The following KRIT1 variants were observed in gnomAD, a reference collection of about 807,000 sequenced individuals.
The protein encoded by KRIT1 is KRIT1 ankyrin repeat containing.
KRIT1 carries 45 observed loss-of-function variants against 95.8 expected under a neutral mutation model. That is an observed-to-expected ratio of 0.47 (90% confidence interval 0.37 to 0.60). The LOEUF is 0.60. Among genes scored for constraint, KRIT1 ranks in the 20% least tolerant of loss-of-function variants. KRIT1 has a pLI of 0.00. For missense variants in KRIT1, 788 were observed against 877.5 expected, an observed-to-expected ratio of 0.90 and a Z score of 1.29; for synonymous variants, 282 against 278.8, an observed-to-expected ratio of 1.01 and a Z score of -0.11.
At chr7:92,244,697 A>G (rs1800478427) in intron 2 of KRIT1, among the ~76,000 whole-genome samples, 1 of 152,230 alleles carries the variant, frequency 6.6e-6, no homozygotes, top group South Asian at 2.1e-4. Context: ...AAAATACAAG[A>G]AAGGTATAAC....
At chr7:92,225,394 A>G (rs1344058663) in intron 12 of KRIT1, among the ~76,000 whole-genome samples, 1 of 151,818 alleles carries the variant, frequency 6.6e-6, no homozygotes, top group African/African-American at 2.4e-5. Flanking sequence ...TGCAACCTCC[A>G]CCTCCTGGGT....
intron 3 of KRIT1, 155 bp from the exon 4 acceptor site, chr7:92,242,292 T>C (rs2131778575): frequency 1.6e-6 from 1 of 611,370 alleles, no homozygotes; most frequent in South Asian, 2.0e-5. Flanking sequence ...TATCCTAGAA[T>C]ATACAGTGCC....
upstream of KRIT1, chr7:92,246,035 G>A (rs545000595): frequency 3.5e-4 from 93 of 266,756 alleles, no homozygotes; most frequent in Non-Finnish European, 6.3e-4. Context: ...GTCTCTCAGG[G>A]GCTGGTGGCA....
chr7:92,202,931 T>C (rs562702302), intron 17 of KRIT1, among the ~76,000 whole-genome samples: 47 of 152,338 alleles, frequency 3.1e-4, no homozygotes, highest in African/African-American at 1.1e-3. Flanking sequence ...CAAGATATCA[T>C]ACTACCTTAA....
intron 6 of KRIT1, among the ~76,000 whole-genome samples, chr7:92,236,960 T>C (rs1230105342): frequency 6.6e-6 from 1 of 152,156 alleles, no homozygotes. Flanking sequence ...ATATAGTATA[T>C]CATCAGTGTT....
Position 92,233,622 on chromosome 7 carries a change from G to GAC in KRIT1, c.989+826_989+827insGT, listed in dbSNP as rs563772873. Among the ~76,000 whole-genome samples, 531 of 152,008 alleles carry GAC rather than the reference G, an allele frequency of 3.5e-3. 4 individuals carry two copies. The highest frequency in any genetic ancestry group is 0.012 in the African/African-American group (502 of 41,448). The stretch of plus-strand genomic sequence containing the variant: ...GGGTTTCACCATGTTAGCCAGGATG[G>GAC]TCTTGATCTCCTGACCTCGTGATCC... On this transcript the variant is annotated intron_variant, in intron 10 of 18. Transcript: ENST00000394505.
At chr7:92,208,211 G>A (rs987415136) in intron 17 of KRIT1, among the ~76,000 whole-genome samples, 1 of 152,062 alleles carries the variant, frequency 6.6e-6, no homozygotes, top group African/African-American at 2.4e-5. Context: ...CAAAAGCAGT[G>A]TAAGAGGAAA....
rs781721827 is a variant in KRIT1 at position 92,235,423 on chromosome 7, C to G, written c.709G>C (p.Asp237His). ...CTTACCCGATTTGTATACTGAAGAT[C>G]TGATCCAAACAAAGGGTTGTAAATA... Reference protein sequence around the residue: ...TCIYNPLFGSDLQYTNRVDKV... With the variant: ...TCIYNPLFGSHLQYTNRVDKV... The change falls in exon 8 of 19, where the codon GAT becomes CAT. Residue 237 changes from aspartate (D) to histidine (H), a missense_variant. Coordinates refer to ENST00000394505, the MANE Select transcript of KRIT1 (RefSeq NM_194454.3). The G allele has an allele frequency of 3.7e-6, 6 of 1,613,702 alleles. No individual in the cohort carries two copies. Among genetic ancestry groups the G allele is most frequent in the Admixed American group, 1.7e-5 (1 of 60,004 alleles).
At position 92,220,277 on chromosome 7, in the gene KRIT1, A is replaced by G. The variant is rs954981883; in HGVS notation, c.1563+1625T>C. On this transcript the variant is annotated intron_variant, in intron 14 of 18. Transcript: ENST00000394505. ...GTCAAATGCCTTTCTGCATCAATTA[A>G]GATGATCATGTGTTTTCTTCCCTCC... is the stretch of plus-strand genomic sequence containing the variant. Among the ~76,000 whole-genome samples the G allele has an allele frequency of 2.0e-5, 3 of 152,202 alleles. No individual in the cohort carries two copies. The East Asian group carries it at 5.8e-4, about 29-fold the overall frequency.
At chr7:92,201,163 T>A in intron 18 of KRIT1, 144 bp downstream of exon 18, 1 of 640,024 alleles carries the variant, frequency 1.6e-6, no homozygotes. Context: ...TTAGAAGGCC[T>A]GGCTTTATTC....
At chr7:92,232,897 G>A (rs937790598) in intron 10 of KRIT1, among the ~76,000 whole-genome samples, 1 of 152,092 alleles carries the variant, frequency 6.6e-6, no homozygotes, top group Non-Finnish European at 1.5e-5. Flanking sequence ...ATTTCATGGT[G>A]TTAGCCAGGA....
chr7:92,238,387 C>T (rs1035503336), intron 5 of KRIT1, among the ~76,000 whole-genome samples: 2 of 152,200 alleles, frequency 1.3e-5, no homozygotes, highest in African/African-American at 2.4e-5. Flanking sequence ...AACAGAACCT[C>T]GTTCCTGCCC....
intron 13 of KRIT1, among the ~76,000 whole-genome samples, chr7:92,222,537 T>C (rs1795345861): frequency 1.3e-5 from 2 of 152,218 alleles, no homozygotes; most frequent in African/African-American, 4.8e-5. Flanking sequence ...TAAAGGCAAG[T>C]TGCATTAGCA....
chr7:92,221,869 T>C, intron 14 of KRIT1, 33 bp downstream of exon 14: 1 of 1,595,206 alleles, frequency 6.3e-7, no homozygotes, highest in South Asian at 1.1e-5. Flanking sequence ...TTTTGTGCAT[T>C]TAAATAACTG....
At chr7:92,216,205 G>A (rs1454804386) in intron 14 of KRIT1, among the ~76,000 whole-genome samples, 3 of 149,354 alleles carry the variant, frequency 2.0e-5, no homozygotes, top group Non-Finnish European at 4.4e-5. Context: ...CTCCAGCCTG[G>A]GTGACAGAAA....
chr7:92,204,508 A>G (rs1207492411), intron 17 of KRIT1, among the ~76,000 whole-genome samples: 3 of 151,892 alleles, frequency 2.0e-5, no homozygotes, highest in Admixed American at 6.6e-5. Flanking sequence ...ACTCACCACA[A>G]TGTAAAATCA....
At chr7:92,201,533 G>A (rs1563212616) in intron 17 of KRIT1, 110 bp from the exon 18 acceptor site, 1 of 726,366 alleles carries the variant, frequency 1.4e-6, no homozygotes, top group Non-Finnish European at 2.5e-6. Flanking sequence ...AGTTCAGAAT[G>A]CTTTTTCTAA....
rs547568067 is a variant in KRIT1, at chr7:92,235,251, T to G, written c.729+152A>C. On this transcript the variant is annotated intron_variant, in intron 8 of 18. Coordinates refer to ENST00000394505, the MANE Select transcript of KRIT1 (RefSeq NM_194454.3). ...CTGACCTCAGGCAATCTGCCCTCCT[T>G]GGCCTCCCAAAGTGCTGGGATTACA... is the stretch of plus-strand genomic sequence containing the variant. 15 of 738,364 alleles carry G rather than the reference T, an allele frequency of 2.0e-5. No individual in the cohort carries two copies. The African/African-American group carries it at 2.5e-4, about 12-fold the overall frequency. The allele number at this position is 738,364 out of a possible 1,614,324, so 45.7% of individuals were successfully genotyped here. A position where few individuals can be genotyped will look rare whatever the true frequency, so the allele number is the denominator to read the frequency against.
intron 17 of KRIT1, among the ~76,000 whole-genome samples, chr7:92,202,659 G>A (rs990922174): frequency 3.3e-5 from 5 of 152,112 alleles, no homozygotes; most frequent in Admixed American, 6.5e-5. Context: ...TCTGGGAGGC[G>A]GAGGTTGCAG....
Sources: gnomAD v4.1 joint callset for allele counts (sites outside exome capture counted in the v4.1 genomes callset) on GRCh38, gnomAD v4.1.1 for gene constraint, MANE v1.5 for transcripts, NCBI Gene and HGNC (gene_info 2026-07-23, HGNC 2026-07-21) for gene names.